The following SPATA13 variants were observed in gnomAD, a reference collection of about 807,000 sequenced individuals.
The protein encoded by SPATA13 is spermatogenesis-associated protein 13.
Under a neutral mutation model 104.0 loss-of-function variants are expected in SPATA13, and 50 were observed. The ratio of observed to expected loss-of-function variants is 0.48; its 90% CI spans 0.38 to 0.61. The LOEUF (loss-of-function observed/expected upper bound fraction) is 0.61. SPATA13 is among the 20% of genes least tolerant of loss of function. SPATA13 has a pLI of 0.00. For missense variants in SPATA13, 1,524 were observed against 1,690.6 expected (o/e 0.90, Z 1.73); for synonymous variants, 606 against 667.5 (o/e 0.91, Z 1.42).
At chr13:24,292,510 C>T (rs1876463820) in intron 9 of SPATA13, among the ~76,000 whole-genome samples, 1 of 152,172 alleles carries the variant, frequency 6.6e-6, no homozygotes, top group African/African-American at 2.4e-5. Context: ...GCACCTGCAG[C>T]TCTGGAGAGG....
chr13:23,982,426 T>C (rs1042319517), intron 1 of SPATA13, among the ~76,000 whole-genome samples: 4 of 152,232 alleles, frequency 2.6e-5, no homozygotes, highest in African/African-American at 9.6e-5. Context: ...ATTCTCTTCA[T>C]AATACTAAAT....
At chr13:24,130,365 G>A (rs569248634) in intron 3 of SPATA13, among the ~76,000 whole-genome samples, 1 of 152,340 alleles carries the variant, frequency 6.6e-6, no homozygotes, top group East Asian at 1.9e-4. Flanking sequence ...AAAGGGGACT[G>A]TTTGGCAAAT....
chr13:24,166,710 C>A (rs1198180010), intron 1 of SPATA13, among the ~76,000 whole-genome samples: 1 of 152,154 alleles, frequency 6.6e-6, no homozygotes, highest in Non-Finnish European at 1.5e-5. Context: ...TGTTTTTCAA[C>A]CACAGAAATA....
At chr13:24,285,513 T>TCCTC (rs745409238) in intron 5 of SPATA13, among the ~76,000 whole-genome samples, 16 of 150,510 alleles carry the variant, frequency 1.1e-4, no homozygotes, top group South Asian at 2.1e-4. Context: ...CTGCCTGCCT[T>TCCTC]CCTCCCTCCC....
intron 1 of SPATA13, among the ~76,000 whole-genome samples, chr13:24,206,628 A>G (rs1383466525): frequency 6.6e-6 from 1 of 152,206 alleles, no homozygotes; most frequent in Non-Finnish European, 1.5e-5. Context: ...ACGGTGGCTC[A>G]TGCCTGTAAT....
At chr13:24,023,332 T>C (rs1161573604) in intron 3 of SPATA13, among the ~76,000 whole-genome samples, 1 of 152,204 alleles carries the variant, frequency 6.6e-6, no homozygotes, top group Non-Finnish European at 1.5e-5. Context: ...GTGAAAGCTG[T>C]AGACATTAAG....
chr13:24,293,564 C>G (rs1009585256), intron 9 of SPATA13, among the ~76,000 whole-genome samples: 2 of 152,304 alleles, frequency 1.3e-5, no homozygotes, highest in South Asian at 4.1e-4. Flanking sequence ...GTTGACATGA[C>G]AGAAAGTCCA....
Position 24,216,168 on chromosome 13 carries a change from A to G in SPATA13, c.-111-6651A>G, listed in dbSNP as rs187638946. On this transcript the variant is annotated intron_variant, in intron 1 of 12. Transcript: ENST00000382108. ...GGGGACGCAGGCAGGGAGGGGCATT[A>G]TGGAGGATGCCAGCATCTTTCGCAC... Among the ~76,000 whole-genome samples the G allele has an allele frequency of 5.9e-5, 9 of 152,324 alleles. No homozygotes were observed. The East Asian group carries it at 1.5e-3, about 26-fold the overall frequency.
At chr13:24,049,896 A>C (rs901060559) in intron 3 of SPATA13, among the ~76,000 whole-genome samples, 2 of 152,128 alleles carry the variant, frequency 1.3e-5, no homozygotes, top group Non-Finnish European at 2.9e-5. Flanking sequence ...TTTTTGAGAC[A>C]GAGTCTTGCT....
intron 3 of SPATA13, among the ~76,000 whole-genome samples, chr13:24,250,155 C>A (rs190281314): frequency 6.6e-6 from 1 of 152,082 alleles, no homozygotes; most frequent in African/African-American, 2.4e-5. Context: ...TAGTAAGACT[C>A]CTGAAAGAAG....
chr13:24,025,813 C>CT (rs61153723), intron 3 of SPATA13, among the ~76,000 whole-genome samples: 16,800 of 146,348 alleles, frequency 0.11, 1,337 homozygotes, highest in East Asian at 0.42. Context: ...TTCTTTCTTT[C>CT]TTTTTTTTTT....
intron 3 of SPATA13, among the ~76,000 whole-genome samples, chr13:24,018,555 AG>A (rs1876821407): frequency 6.6e-6 from 1 of 152,266 alleles, no homozygotes; most frequent in Non-Finnish European, 1.5e-5. Context: ...GATTATGTTT[AG>A]GTCTCAGAAA....
intron 2 of SPATA13, among the ~76,000 whole-genome samples, chr13:24,008,448 A>G (rs2137682466): frequency 6.6e-6 from 1 of 152,260 alleles, no homozygotes. Flanking sequence ...TGCCTTCGTC[A>G]TGGGCCACCA....
At chr13:24,128,408 A>G (rs939182399) in intron 3 of SPATA13, among the ~76,000 whole-genome samples, 5 of 152,098 alleles carry the variant, frequency 3.3e-5, no homozygotes, top group African/African-American at 1.2e-4. Context: ...TCAAACCCCA[A>G]TGTACGGTCA....
chr13:24,278,997 C>T (rs1388417156), intron 4 of SPATA13, among the ~76,000 whole-genome samples: 1 of 121,972 alleles, frequency 8.2e-6, no homozygotes, highest in Non-Finnish European at 1.8e-5. Context: ...TCCCTCCCTT[C>T]CTTCCTTCCT....
intron 3 of SPATA13, among the ~76,000 whole-genome samples, chr13:24,073,347 C>T (rs753071810): frequency 3.3e-5 from 5 of 152,214 alleles, no homozygotes; most frequent in African/African-American, 4.8e-5. Flanking sequence ...GTGGCTTATG[C>T]GCCATCAGTC....
intron 3 of SPATA13, among the ~76,000 whole-genome samples, chr13:24,148,006 C>T (rs902270380): frequency 2.6e-5 from 4 of 152,186 alleles, no homozygotes; most frequent in African/African-American, 9.7e-5. Context: ...CCACTGGACA[C>T]CTGGGTTGTT....
chr13:24,136,861 G>C lies in SPATA13; in HGVS notation c.-111-85958G>C, dbSNP rs1352985432. ...TATTTTTTTTTTGAGACGGAGTCTC[G>C]CTCTGTCGCCCAGGCTGGAGTGCAG... On this transcript the variant is annotated intron_variant, in intron 3 of 14. Coordinates refer to the SPATA13 transcript ENST00000424834. 1.9e-5 allele frequency among the ~76,000 whole-genome samples: 2 copies of C among 107,764 alleles called. 1 individual carries two copies. The highest frequency in any genetic ancestry group is 5.3e-4 in the East Asian group (2 of 3,766). The allele number at this position is 107,764 out of a possible 152,430, so 70.7% of individuals were successfully genotyped here. A position where few individuals can be genotyped will look rare whatever the true frequency, so the allele number is the denominator to read the frequency against.
At chr13:24,103,541 A>G (rs142919354) in intron 3 of SPATA13, among the ~76,000 whole-genome samples, 21 of 142,162 alleles carry the variant, frequency 1.5e-4, no homozygotes, top group Middle Eastern at 6.8e-3. Flanking sequence ...AGAGAGAGAG[A>G]GAAGAGAGAG....
Sources: allele counts gnomAD v4.1 joint callset (sites outside exome capture counted in the v4.1 genomes callset), GRCh38; gene constraint gnomAD v4.1.1; transcripts MANE v1.5; gene names NCBI Gene and HGNC (gene_info 2026-07-23, HGNC 2026-07-21).